Variants in CTNNA2 observed in about 807,000 individuals in gnomAD.
CTNNA2 encodes catenin alpha-2.
Under a neutral mutation model 101.0 loss-of-function variants are expected in CTNNA2, and 42 were observed. That is an observed-to-expected ratio of 0.42 (90% confidence interval 0.32 to 0.54). CTNNA2 has a LOEUF of 0.54. Ranked by LOEUF, CTNNA2 falls within the 20% of genes least tolerant of loss-of-function variation. CTNNA2 has a pLI of 0.14. For synonymous variants in CTNNA2, 450 were observed against 456.4 expected, an observed-to-expected ratio of 0.99 and a Z score of 0.18; for missense variants, 871 against 1,223.1, an observed-to-expected ratio of 0.71 and a Z score of 4.29.
rs1684384344 is a variant in CTNNA2 at position 79,892,555 on chromosome 2, A to C, written c.853-17039A>C. Reference sequence around the variant, plus strand: ...ATATAATAGAATGTGATTTCCAATTAGGTCAGTGTAAATAATAAAACACAT... The same window carrying C: ...ATATAATAGAATGTGATTTCCAATTCGGTCAGTGTAAATAATAAAACACAT... On this transcript the variant is annotated intron_variant, in intron 6 of 18. Coordinates refer to ENST00000402739, the MANE Select transcript of CTNNA2 (RefSeq NM_001282597.3). Among the ~76,000 whole-genome samples the C allele has an allele frequency of 4.6e-5, 7 of 152,328 alleles. No individual in the cohort carries two copies. In the South Asian group the frequency reaches 1.5e-3, roughly 32 times the overall value.
intron 3 of CTNNA2, among the ~76,000 whole-genome samples, chr2:79,786,167 CAG>C (rs80170109): frequency 0.21 from 31,550 of 151,828 alleles, 3,397 homozygotes; most frequent in South Asian, 0.3. Context: ...ATATGGAAAA[CAG>C]ATGACCATGT....
chr2:79,820,939 A>G (rs941401342), intron 3 of CTNNA2, among the ~76,000 whole-genome samples: 3 of 152,166 alleles, frequency 2.0e-5, no homozygotes, highest in Admixed American at 1.3e-4. Context: ...GTTGTCTTTT[A>G]TGTATTTCCT....
chr2:79,974,831 A>C (rs1690723559), intron 7 of CTNNA2, among the ~76,000 whole-genome samples: 1 of 152,198 alleles, frequency 6.6e-6, no homozygotes, highest in Admixed American at 6.5e-5. Flanking sequence ...GAAGAAATTA[A>C]GTTGGGGAGG....
chr2:80,375,562 C>CTTTTTTTTT (rs199662476), intron 7 of CTNNA2, among the ~76,000 whole-genome samples: 5 of 105,604 alleles, frequency 4.7e-5, no homozygotes, highest in African/African-American at 1.7e-4. Context: ...TTTCTGGCTT[C>CTTTTTTTTT]TTTTTTTTTT....
intron 3 of CTNNA2, among the ~76,000 whole-genome samples, chr2:79,747,683 AC>A (rs1671736324): frequency 6.6e-6 from 1 of 152,216 alleles, no homozygotes; most frequent in African/African-American, 2.4e-5. Context: ...AATACAATAA[AC>A]AACACAGTTC....
chr2:79,609,829 C>T (rs984155546), intron 1 of CTNNA2, among the ~76,000 whole-genome samples: 9 of 152,040 alleles, frequency 5.9e-5, no homozygotes, highest in Admixed American at 5.2e-4. Flanking sequence ...ACGATACAAT[C>T]GAAAACTCTA....
chr2:80,405,874 TC>T (rs1679002249), intron 8 of CTNNA2, among the ~76,000 whole-genome samples: 1 of 152,194 alleles, frequency 6.6e-6, no homozygotes, highest in African/African-American at 2.4e-5. Context: ...GATTAATCAG[TC>T]CCAGACCCAT....
chr2:80,575,230 T>C (rs1694935051), intron 13 of CTNNA2: 1 of 152,310 alleles, frequency 6.6e-6, no homozygotes, highest in Non-Finnish European at 1.5e-5. Context: ...CCCAAAAGCA[T>C]GCTGTCCAGT....
chr2:79,214,253 G>GT (rs1674216222), intron 2 of CTNNA2, among the ~76,000 whole-genome samples: 1 of 152,198 alleles, frequency 6.6e-6, no homozygotes, highest in Non-Finnish European at 1.5e-5. Flanking sequence ...AGCCTGATGG[G>GT]TGTCAGGGTC....
At chr2:79,367,399 T>A (rs1677774385) in intron 3 of CTNNA2, among the ~76,000 whole-genome samples, 1 of 152,174 alleles carries the variant, frequency 6.6e-6, no homozygotes, top group Non-Finnish European at 1.5e-5. Context: ...GGGGAAAGCA[T>A]CTCTGGCAGG....
At chr2:79,474,930 T>C (rs779169785) in intron 4 of CTNNA2, among the ~76,000 whole-genome samples, 22 of 152,158 alleles carry the variant, frequency 1.4e-4, no homozygotes, top group Non-Finnish European at 2.1e-4. Context: ...CTAGTGGATG[T>C]GTGTGAGATT....
At chr2:79,687,504 C>G (rs1376338122) in intron 2 of CTNNA2, 2 of 624,190 alleles carry the variant, frequency 3.2e-6, no homozygotes, top group Non-Finnish European at 5.8e-6. Flanking sequence ...TTGCATTACC[C>G]AGAGGGCACA....
chr2:80,126,931 G>T (rs1386688826), intron 7 of CTNNA2, among the ~76,000 whole-genome samples: 1 of 152,164 alleles, frequency 6.6e-6, no homozygotes, highest in Non-Finnish European at 1.5e-5. Flanking sequence ...AGGAGGTGTA[G>T]GAATGGGAAC....
chr2:79,286,680 C>T (rs1675599375), intron 2 of CTNNA2, among the ~76,000 whole-genome samples: 1 of 152,146 alleles, frequency 6.6e-6, no homozygotes, highest in African/African-American at 2.4e-5. Flanking sequence ...TCTGGCCGCC[C>T]TTAACATTTT....
intron 1 of CTNNA2, 30 bp from the exon 2 acceptor site, chr2:79,651,522 A>G (rs1376748688): frequency 6.3e-7 from 1 of 1,578,684 alleles, no homozygotes; most frequent in South Asian, 1.1e-5. Flanking sequence ...AAAGATGATT[A>G]TTTCTAACTG....
intron 3 of CTNNA2, among the ~76,000 whole-genome samples, chr2:79,799,062 T>G (rs11886038): frequency 6.6e-6 from 1 of 151,980 alleles, no homozygotes; most frequent in African/African-American, 2.4e-5. Context: ...CAGCCCAGAT[T>G]TGCAATCCAG....
chr2:80,053,638 G>T (rs1235227266), intron 7 of CTNNA2, among the ~76,000 whole-genome samples: 4 of 152,148 alleles, frequency 2.6e-5, no homozygotes, highest in African/African-American at 9.7e-5. Context: ...TTCTGATTCT[G>T]TCTCAGGTCT....
intron 7 of CTNNA2, among the ~76,000 whole-genome samples, chr2:80,049,994 G>A (rs1316935545): frequency 1.3e-5 from 2 of 152,046 alleles, no homozygotes; most frequent in African/African-American, 2.4e-5. Context: ...TACCAGGAGC[G>A]ATGTCTCTCC....
intron 7 of CTNNA2, among the ~76,000 whole-genome samples, chr2:80,201,640 G>T (rs1707220764): frequency 6.6e-6 from 1 of 152,000 alleles, no homozygotes; most frequent in African/African-American, 2.4e-5. Context: ...CTCCCAAAGT[G>T]CTGGGATTAC....
Sources: gnomAD v4.1 joint callset for allele counts (sites outside exome capture counted in the v4.1 genomes callset) on GRCh38, gnomAD v4.1.1 for gene constraint, MANE v1.5 for transcripts, NCBI Gene and HGNC (gene_info 2026-07-23, HGNC 2026-07-21) for gene names.